Variants in PCDHA2 observed in about 807,000 individuals in gnomAD.
PCDHA2 encodes the protein protocadherin alpha 2, also known as protocadherin alpha-2.
Under a neutral mutation model 66.0 loss-of-function variants are expected in PCDHA2, and 58 were observed. That is an observed-to-expected ratio of 0.88 (90% CI 0.71 to 1.09). The LOEUF is 1.09. Among genes scored for constraint, PCDHA2 ranks in the 50% least tolerant of loss-of-function variants. The pLI is 0.00. For synonymous variants in PCDHA2, 634 were observed against 554.0 expected (o/e 1.14, Z -2.03); for missense variants, 1,267 against 1,242.3 (o/e 1.02, Z -0.30).
Position 140,979,061 on chromosome 5 carries a change from A to G in PCDHA2, c.2447+54A>G, listed in dbSNP as rs374803810. 155 of 1,605,246 alleles carry G rather than the reference A, an allele frequency of 9.7e-5. No individual in the cohort carries two copies. The African/African-American group carries it at 1.8e-3, about 19-fold the overall frequency. On this transcript the variant is annotated intron_variant, in intron 2 of 3. Coordinates refer to ENST00000526136, the MANE Select transcript of PCDHA2 (RefSeq NM_018905.3). ...AAGTAACCTTAACTTGGTATGGCTC[A>G]GATAAACTGCATCTCCATAGGCCAG...
chr5:140,821,988 G>T, intron 1 of PCDHA2: 1 of 1,614,188 alleles, frequency 6.2e-7, no homozygotes, highest in African/African-American at 1.3e-5. Context: ...AGGGCCGCGG[G>T]GACCTTCTGG....
rs144694616 is a variant in PCDHA2, at chr5:140,836,586, G to A, written c.2388+39234G>A. Reference sequence around the variant, plus strand: ...GTCCTCTGAGGGCGCATGTAGTTTGGTAAAGCCCACTCTGGTGTGCTCCAG... The same window carrying A: ...GTCCTCTGAGGGCGCATGTAGTTTGATAAAGCCCACTCTGGTGTGCTCCAG... On this transcript the variant is annotated intron_variant, in intron 1 of 3. Coordinates refer to ENST00000526136, the MANE Select transcript of PCDHA2 (RefSeq NM_018905.3). The A allele has an allele frequency of 3.1e-6, 5 of 1,613,634 alleles. 1 individual carries two copies. The highest frequency in any genetic ancestry group is 4.2e-6 in the Non-Finnish European group (5 of 1,179,854).
intron 1 of PCDHA2, chr5:140,843,080 G>A (rs1554139718): frequency 2.5e-6 from 4 of 1,595,426 alleles, no homozygotes; most frequent in African/African-American, 2.7e-5. Context: ...GTCTGTGGGC[G>A]CGGGCCACGT....
intron 1 of PCDHA2, among the ~76,000 whole-genome samples, chr5:140,827,215 A>G (rs1007618688): frequency 6.6e-6 from 1 of 152,212 alleles, no homozygotes; most frequent in Non-Finnish European, 1.5e-5. Flanking sequence ...GAACAATTAA[A>G]GGAAAGGATA....
At position 140,843,028 on chromosome 5, in the gene PCDHA2, G is replaced by A. The variant is rs2150350487; in HGVS notation, c.2388+45676G>A. 21 of 1,595,152 alleles carry A rather than the reference G, an allele frequency of 1.3e-5. 1 individual carries two copies. Among genetic ancestry groups the A allele is most frequent in the Non-Finnish European group, 1.7e-5 (20 of 1,165,462 alleles). ...ACGCGCCGGCACTGCTGGAGCCTCG[G>A]GTGGGTGGCACTGGTGGCGCAGCGA... On this transcript the variant is annotated intron_variant, in intron 1 of 3. Transcript: ENST00000526136.
chr5:140,833,890 A>G (rs1772705183), intron 1 of PCDHA2, among the ~76,000 whole-genome samples: 1 of 152,210 alleles, frequency 6.6e-6, no homozygotes, highest in African/African-American at 2.4e-5. Context: ...TGGGATCTAG[A>G]TCAAAGGAAT....
intron 1 of PCDHA2, chr5:140,803,268 G>C (rs1763159732): frequency 2.5e-6 from 4 of 1,614,012 alleles, no homozygotes; most frequent in Non-Finnish European, 3.4e-6. Flanking sequence ...GGGCCCGGAA[G>C]CTGCACTGGT....
intron 1 of PCDHA2, chr5:140,884,083 G>C (rs538322622): frequency 1.2e-6 from 2 of 1,613,596 alleles, no homozygotes; most frequent in South Asian, 1.1e-5. Context: ...GCTACAATGC[G>C]TGGCTTTCGT....
intron 1 of PCDHA2, chr5:140,882,078 C>T: frequency 1.1e-6 from 1 of 937,486 alleles, no homozygotes; most frequent in Non-Finnish European, 1.6e-6. Flanking sequence ...CGCATGGTGT[C>T]GCTCTTCACT....
At chr5:140,861,511 T>C in intron 1 of PCDHA2, 1 of 471,158 alleles carries the variant, frequency 2.1e-6, no homozygotes, top group South Asian at 1.7e-5. Flanking sequence ...CTCGAGGAGC[T>C]GTGTGGGAGG....
At chr5:140,904,412 A>C (rs1554191488) in intron 1 of PCDHA2, among the ~76,000 whole-genome samples, 2 of 150,986 alleles carry the variant, frequency 1.3e-5, no homozygotes, top group Non-Finnish European at 2.9e-5. Context: ...TATATATATA[A>C]TACATATATT....
At chr5:140,912,170 T>C (rs961907962) in intron 1 of PCDHA2, among the ~76,000 whole-genome samples, 6 of 152,202 alleles carry the variant, frequency 3.9e-5, no homozygotes, top group African/African-American at 9.7e-5. Flanking sequence ...CTGGCTGTGC[T>C]GGCAGCTGAT....
intron 1 of PCDHA2, chr5:140,852,075 A>G (rs2042230918): frequency 1.1e-6 from 1 of 900,346 alleles, no homozygotes; most frequent in Admixed American, 6.3e-5. Flanking sequence ...TCTTTCAGCT[A>G]TTTTATTTAA....
intron 1 of PCDHA2, among the ~76,000 whole-genome samples, chr5:140,837,930 T>G (rs1775322369): frequency 6.6e-6 from 1 of 151,780 alleles, no homozygotes. Flanking sequence ...CCTCCTACCT[T>G]GGCCTCCCAA....
chr5:140,906,296 A>G (rs1378311950), intron 1 of PCDHA2, among the ~76,000 whole-genome samples: 9 of 152,226 alleles, frequency 5.9e-5, no homozygotes, highest in Non-Finnish European at 1.5e-5. Flanking sequence ...GACAATAATA[A>G]GGTCATAATT....
At chr5:140,801,714 G>C (rs1762768338) in intron 1 of PCDHA2, 1 of 1,614,128 alleles carries the variant, frequency 6.2e-7, no homozygotes, top group East Asian at 2.2e-5. Context: ...TTACAGTCTT[G>C]ATTCCACTGA....
rs140846988 is a variant in PCDHA2 at position 140,828,361 on chromosome 5, C to A, written c.2388+31009C>A. The A allele has an allele frequency of 2.3e-4, 364 of 1,614,242 alleles. 1 individual carries two copies. In the African/African-American group the frequency reaches 3.9e-3, roughly 17 times the overall value. ...GCATTTTGTTTGTGAATTCTCGGATCGACCGCGAGGAGCTGTGCGGGCGGA... is the reference window on the plus strand; with the variant it reads ...GCATTTTGTTTGTGAATTCTCGGATAGACCGCGAGGAGCTGTGCGGGCGGA... On this transcript the variant is annotated intron_variant, in intron 1 of 3. Transcript: ENST00000526136.
chr5:140,821,982 C>A (rs2150112541), intron 1 of PCDHA2: 12 of 1,614,108 alleles, frequency 7.4e-6, no homozygotes, highest in South Asian at 3.3e-5. Flanking sequence ...CGTCCAAGGG[C>A]CGCGGGGACC....
intron 1 of PCDHA2, among the ~76,000 whole-genome samples, chr5:140,847,026 G>T (rs1780819031): frequency 6.7e-6 from 1 of 149,736 alleles, no homozygotes; most frequent in Non-Finnish European, 1.5e-5. Flanking sequence ...TTCTTGGAAA[G>T]AGAAAACATA....
Sources: gnomAD v4.1 joint callset for allele counts (sites outside exome capture counted in the v4.1 genomes callset) on GRCh38, gnomAD v4.1.1 for gene constraint, MANE v1.5 for transcripts, NCBI Gene and HGNC (gene_info 2026-07-23, HGNC 2026-07-21) for gene names.